The following ABHD17B variants were observed in gnomAD, a reference collection of about 807,000 sequenced individuals.
ABHD17B encodes the protein alpha/beta hydrolase domain-containing protein 17B.
In ABHD17B, 9 loss-of-function variants were observed where a neutral mutation model predicts 26.2. The observed-to-expected ratio is 0.34, with a 90% CI of 0.21 to 0.60. The LOEUF (loss-of-function observed/expected upper bound fraction) is 0.60, where lower values mean the gene tolerates loss of function less well. Among genes scored for constraint, ABHD17B ranks in the 20% least tolerant of loss-of-function variants. ABHD17B has a pLI of 0.80. For missense variants in ABHD17B, 224 were observed against 352.1 expected (o/e 0.64, Z 2.91); for synonymous variants, 127 against 122.3 (o/e 1.04, Z -0.25).
intron 2 of ABHD17B, 91 bp from the exon 3 acceptor site, chr9:71,870,353 G>T: frequency 1.7e-6 from 2 of 1,202,186 alleles, no homozygotes; most frequent in Non-Finnish European, 2.2e-6. Flanking sequence ...CTTAGAATAA[G>T]ACAATGTCAA....
At chr9:71,871,855 G>T (rs553958369) in intron 2 of ABHD17B, among the ~76,000 whole-genome samples, 1 of 152,294 alleles carries the variant, frequency 6.6e-6, no homozygotes, top group East Asian at 1.9e-4. Context: ...CAAGGACTTT[G>T]TGGGAAAGGT....
At chr9:71,891,600 T>C (rs1318511419) in intron 1 of ABHD17B, among the ~76,000 whole-genome samples, 9 of 152,232 alleles carry the variant, frequency 5.9e-5, no homozygotes, top group Admixed American at 2.6e-4. Flanking sequence ...GTTTCCTTTA[T>C]ATTTGTGTAA....
rs1018059453 is a variant in ABHD17B at position 71,865,191 on chromosome 9, T to A, written c.*1596A>T. On this transcript the variant is annotated 3_prime_UTR_variant, in exon 4 of 4. Coordinates refer to ENST00000333421, the MANE Select transcript of ABHD17B (RefSeq NM_001025780.3). ...GTTGTTTTACTGTTAATTTGACACA[T>A]CTGAACCAAAGCATTCACAATACTT... 1.1e-5 allele frequency: 11 copies of A among 985,416 alleles called. No individual in the cohort carries two copies. Among genetic ancestry groups the A allele is most frequent in the East Asian group, 1.1e-4 (1 of 8,820 alleles). 61.0% of individuals were successfully genotyped at this position (985,416 alleles called of 1,614,324 possible).
At chr9:71,899,071 C>G (rs575647022) in intron 1 of ABHD17B, among the ~76,000 whole-genome samples, 1 of 151,682 alleles carries the variant, frequency 6.6e-6, no homozygotes, top group Non-Finnish European at 1.5e-5. Context: ...CTACAGTGAG[C>G]CGAGATTGTG....
At chr9:71,910,384 C>T (rs938334728) in intron 1 of ABHD17B, among the ~76,000 whole-genome samples, 1 of 152,162 alleles carries the variant, frequency 6.6e-6, no homozygotes, top group Non-Finnish European at 1.5e-5. Flanking sequence ...CCACGGACCG[C>T]AGGGACTGTC....
At chr9:71,897,844 T>G (rs1052772210) in intron 1 of ABHD17B, among the ~76,000 whole-genome samples, 1 of 152,316 alleles carries the variant, frequency 6.6e-6, no homozygotes, top group South Asian at 2.1e-4. Flanking sequence ...CTTAATCATA[T>G]GCATCTGTAA....
intron 1 of ABHD17B, among the ~76,000 whole-genome samples, chr9:71,895,448 T>G (rs1826926383): frequency 6.6e-6 from 1 of 152,214 alleles, no homozygotes; most frequent in Non-Finnish European, 1.5e-5. Flanking sequence ...TATAATTGTG[T>G]TTCAGGCTGA....
chr9:71,889,646 G>T (rs908269041), intron 1 of ABHD17B, among the ~76,000 whole-genome samples: 1 of 152,142 alleles, frequency 6.6e-6, no homozygotes, highest in Non-Finnish European at 1.5e-5. Context: ...ATATAATACT[G>T]TTATCTAGCG....
intron 2 of ABHD17B, among the ~76,000 whole-genome samples, chr9:71,872,443 A>G (rs1215888836): frequency 6.6e-6 from 1 of 152,202 alleles, no homozygotes; most frequent in Non-Finnish European, 1.5e-5. Context: ...AAAACAGTAA[A>G]GTTGACCACT....
intron 1 of ABHD17B, among the ~76,000 whole-genome samples, chr9:71,900,759 C>T (rs1045637495): frequency 6.6e-6 from 1 of 152,094 alleles, no homozygotes; most frequent in Non-Finnish European, 1.5e-5. Context: ...CTATCCCCCC[C>T]TCATCACTAT....
intron 1 of ABHD17B, among the ~76,000 whole-genome samples, chr9:71,880,521 T>A (rs1014173873): frequency 2.6e-5 from 4 of 151,862 alleles, no homozygotes; most frequent in African/African-American, 9.7e-5. Context: ...GACAAAACAA[T>A]ATGTTTGGTA....
chr9:71,863,422 C>CA (rs1463954589), downstream of ABHD17B, among the ~76,000 whole-genome samples: 2 of 152,184 alleles, frequency 1.3e-5, no homozygotes, highest in Admixed American at 1.3e-4. Flanking sequence ...TGTTAGCTGA[C>CA]AAGAGGCCCA....
intron 1 of ABHD17B, among the ~76,000 whole-genome samples, chr9:71,878,753 T>C (rs898376838): frequency 9.2e-5 from 14 of 151,836 alleles, no homozygotes; most frequent in African/African-American, 2.9e-4. Flanking sequence ...ACATTGTCTC[T>C]ATCAAAAAAA....
rs142822299 is a variant in ABHD17B at position 71,903,185 on chromosome 9, T to C, written c.-4+7449A>G. On this transcript the variant is annotated intron_variant, in intron 1 of 3. Transcript: ENST00000333421. ...GTGTAAAGGCCTCTAACTATTGTCA[T>C]CCTTTTTTTTTTCACTGATAGATAA... 7.2e-5 allele frequency among the ~76,000 whole-genome samples: 11 copies of C among 152,122 alleles called. No individual in the cohort carries two copies. In the South Asian group the frequency reaches 1.2e-3, roughly 17 times the overall value.
At chr9:71,878,147 A>G (rs1190556132) in intron 1 of ABHD17B, among the ~76,000 whole-genome samples, 1 of 152,204 alleles carries the variant, frequency 6.6e-6, no homozygotes, top group African/African-American at 2.4e-5. Flanking sequence ...AAAAAAAAAA[A>G]AAAATCACTG....
intron 1 of ABHD17B, among the ~76,000 whole-genome samples, chr9:71,875,839 T>C (rs1826258949): frequency 6.6e-6 from 1 of 152,216 alleles, no homozygotes; most frequent in Admixed American, 6.5e-5. Context: ...TCAGGCATTG[T>C]GCCAAGTGCT....
At chr9:71,891,797 G>A (rs1397988929) in intron 1 of ABHD17B, among the ~76,000 whole-genome samples, 1 of 152,184 alleles carries the variant, frequency 6.6e-6, no homozygotes, top group African/African-American at 2.4e-5. Context: ...AAACAAGTAT[G>A]TTCTGTTTAT....
At position 71,897,619 on chromosome 9, in the gene ABHD17B, C is replaced by A. The variant is rs76450821; in HGVS notation, c.-4+13015G>T. Among the ~76,000 whole-genome samples the A allele has an allele frequency of 8.3e-3, 1,268 of 152,302 alleles. 18 individuals carry two copies. The highest frequency in any genetic ancestry group is 0.028 in the African/African-American group (1,177 of 41,544). On this transcript the variant is annotated intron_variant, in intron 1 of 3. Transcript: ENST00000333421. ...TAACTATCAATCCCTTTTCCATATA[C>A]TATATATAATACCTTTTTAGTAGAG...
intron 1 of ABHD17B, among the ~76,000 whole-genome samples, chr9:71,878,109 G>C (rs1027712692): frequency 6.6e-6 from 1 of 151,118 alleles, no homozygotes; most frequent in South Asian, 2.1e-4. Flanking sequence ...GTGTGAGCAA[G>C]TTACTGAAGA....
Sources: gnomAD v4.1 joint callset for allele counts (sites outside exome capture counted in the v4.1 genomes callset) on GRCh38, gnomAD v4.1.1 for gene constraint, MANE v1.5 for transcripts, NCBI Gene and HGNC (gene_info 2026-07-23, HGNC 2026-07-21) for gene names.